The following HTR1F variants were observed in gnomAD, a reference collection of about 807,000 sequenced individuals.
The protein encoded by HTR1F is 5-hydroxytryptamine (serotonin) receptor 1F, G protein-coupled.
Under a neutral mutation model 24.0 loss-of-function variants are expected in HTR1F, and 17 were observed. The observed-to-expected ratio is 0.71, with a 90% CI of 0.48 to 1.06. The LOEUF (loss-of-function observed/expected upper bound fraction) is 1.06. Among genes scored for constraint, HTR1F ranks in the 50% least tolerant of loss-of-function variants. The pLI is 0.00. For missense variants in HTR1F, 391 were observed against 427.8 expected, an observed-to-expected ratio of 0.91 and a Z score of 0.76; for synonymous variants, 186 against 156.8, an observed-to-expected ratio of 1.19 and a Z score of -1.39.
chr3:87,896,485 A>G lies in HTR1F; in HGVS notation c.-43+74361A>G, dbSNP rs1407582638. ...GAACACTAAGTGATTTTAACTTAAA[A>G]GTAGGTCTATCTAACTGGCCTTGGC... On this transcript the variant is annotated intron_variant, in intron 2 of 2. Transcript: ENST00000319595. 2.0e-5 allele frequency among the ~76,000 whole-genome samples: 3 copies of G among 152,188 alleles called. No individual in the cohort carries two copies. The East Asian group carries it at 5.8e-4, about 29-fold the overall frequency.
intron 2 of HTR1F, among the ~76,000 whole-genome samples, chr3:87,915,873 C>T (rs1326739054): frequency 3.3e-5 from 5 of 152,094 alleles, no homozygotes; most frequent in Non-Finnish European, 2.9e-5. Flanking sequence ...GAAAACTCAT[C>T]GCAAAAATAT....
intron 2 of HTR1F, among the ~76,000 whole-genome samples, chr3:87,898,701 T>C (rs1706254964): frequency 6.6e-6 from 1 of 150,978 alleles, no homozygotes; most frequent in East Asian, 1.9e-4. Context: ...ATTTTTTTTC[T>C]TAAGGGGTAT....
chr3:87,841,261 A>G (rs1014417979), intron 2 of HTR1F, among the ~76,000 whole-genome samples: 2 of 152,026 alleles, frequency 1.3e-5, no homozygotes, highest in African/African-American at 4.8e-5. Flanking sequence ...TTATTTGTCA[A>G]TTAAAAATAA....
intron 2 of HTR1F, among the ~76,000 whole-genome samples, chr3:87,852,007 G>A (rs1319117915): frequency 6.7e-6 from 1 of 148,890 alleles, no homozygotes; most frequent in Non-Finnish European, 1.5e-5. Flanking sequence ...ACCAGCAATA[G>A]CTGAGACTCT....
At chr3:87,913,744 C>T (rs1703831030) in intron 2 of HTR1F, among the ~76,000 whole-genome samples, 1 of 152,154 alleles carries the variant, frequency 6.6e-6, no homozygotes, top group Admixed American at 6.6e-5. Flanking sequence ...CCATGGAATA[C>T]TATGCAACCA....
At chr3:87,951,947 T>C (rs1215359480) in intron 2 of HTR1F, among the ~76,000 whole-genome samples, 1 of 152,112 alleles carries the variant, frequency 6.6e-6, no homozygotes, top group Non-Finnish European at 1.5e-5. Context: ...GATTGGCTTC[T>C]TTCATTTAGT....
intron 2 of HTR1F, among the ~76,000 whole-genome samples, chr3:87,934,734 G>T (rs539981599): frequency 6.6e-6 from 1 of 152,290 alleles, no homozygotes; most frequent in East Asian, 1.9e-4. Context: ...GAAGCATTTT[G>T]CAATGCTGTA....
intron 2 of HTR1F, among the ~76,000 whole-genome samples, chr3:87,910,633 C>T (rs1442816910): frequency 6.6e-6 from 1 of 152,028 alleles, no homozygotes; most frequent in African/African-American, 2.4e-5. Flanking sequence ...TTATAGACCT[C>T]TACAGAACTC....
At chr3:87,861,795 TA>T (rs1486001652) in intron 2 of HTR1F, among the ~76,000 whole-genome samples, 1 of 152,154 alleles carries the variant, frequency 6.6e-6, no homozygotes, top group African/African-American at 2.4e-5. Flanking sequence ...TAATTTTTAT[TA>T]TTTTTTAGGT....
intron 2 of HTR1F, among the ~76,000 whole-genome samples, chr3:87,921,763 A>T (rs377202674): frequency 2.0e-5 from 3 of 151,870 alleles, no homozygotes; most frequent in Admixed American, 2.0e-4. Flanking sequence ...AACTATTCGA[A>T]TCTCTACTTC....
intron 2 of HTR1F, among the ~76,000 whole-genome samples, chr3:87,829,181 G>GA (rs1224506134): frequency 6.6e-6 from 1 of 152,126 alleles, no homozygotes; most frequent in African/African-American, 2.4e-5. Flanking sequence ...TTTTCAAAGA[G>GA]AAAAGAACCA....
At chr3:87,936,898 AC>A (rs10719136) in intron 2 of HTR1F, among the ~76,000 whole-genome samples, 4,828 of 151,784 alleles carry the variant, frequency 0.032, 234 homozygotes, top group African/African-American at 0.11. Context: ...AAATTCCTAG[AC>A]TCTACACCAT....
intron 2 of HTR1F, among the ~76,000 whole-genome samples, chr3:87,914,020 G>C (rs546423581): frequency 3.9e-4 from 60 of 152,238 alleles, no homozygotes; most frequent in Non-Finnish European, 7.2e-4. Context: ...TGCTCCTGCA[G>C]GACCCGGCAG....
chr3:87,945,266 G>A (rs766955210), intron 2 of HTR1F, among the ~76,000 whole-genome samples: 14 of 152,140 alleles, frequency 9.2e-5, no homozygotes, highest in Non-Finnish European at 1.5e-4. Flanking sequence ...CCAGGGATAA[G>A]ACTCCCTGGG....
intron 2 of HTR1F, among the ~76,000 whole-genome samples, chr3:87,883,905 G>C (rs1293765403): frequency 1.3e-5 from 2 of 152,170 alleles, no homozygotes; most frequent in Non-Finnish European, 2.9e-5. Context: ...ATGGAACCAA[G>C]TTGGAAAACA....
At chr3:87,793,409 G>A (rs957962414) in intron 1 of HTR1F, 2 of 152,260 alleles carry the variant, frequency 1.3e-5, no homozygotes, top group Middle Eastern at 3.4e-3. Flanking sequence ...TTTCCCGCGG[G>A]TACGAACCAT....
chr3:87,878,183 G>A (rs1705712428), intron 2 of HTR1F, among the ~76,000 whole-genome samples: 4 of 152,060 alleles, frequency 2.6e-5, no homozygotes, highest in Non-Finnish European at 5.9e-5. Flanking sequence ...CAGAGGTTTT[G>A]CTTTGAAAAA....
At chr3:87,929,070 A>G (rs1417922193) in intron 2 of HTR1F, among the ~76,000 whole-genome samples, 1 of 152,222 alleles carries the variant, frequency 6.6e-6, no homozygotes, top group East Asian at 1.9e-4. Flanking sequence ...ATAAAGTATG[A>G]CAGATTTACA....
chr3:87,932,020 T>C (rs1241852861), intron 2 of HTR1F, among the ~76,000 whole-genome samples: 1 of 152,230 alleles, frequency 6.6e-6, no homozygotes, highest in Non-Finnish European at 1.5e-5. Context: ...TGGTAGTTTC[T>C]TTTGCTGTGC....
Sources: allele counts gnomAD v4.1 joint callset (sites outside exome capture counted in the v4.1 genomes callset), GRCh38; gene constraint gnomAD v4.1.1; transcripts MANE v1.5; gene names NCBI Gene and HGNC (gene_info 2026-07-23, HGNC 2026-07-21).